Variants in FBXO17 observed in about 807,000 individuals in gnomAD.
FBXO17 encodes the protein F-box protein 17.
FBXO17 carries 43 observed loss-of-function variants against 34.1 expected under a neutral mutation model. The ratio of observed to expected loss-of-function variants is 1.26; its 90% CI spans 0.99 to 1.62. The LOEUF (loss-of-function observed/expected upper bound fraction) is 1.62. FBXO17 is among the 40% of genes most tolerant of loss of function. The pLI, the probability that FBXO17 is intolerant of heterozygous loss-of-function variation, is 0.00. For missense variants in FBXO17, 424 were observed against 386.7 expected (o/e 1.10, Z -0.81); for synonymous variants, 169 against 166.0 (o/e 1.02, Z -0.14).
chr19:38,974,542 T>C (rs528525212), intron 1 of FBXO17, among the ~76,000 whole-genome samples: 2 of 152,256 alleles, frequency 1.3e-5, no homozygotes, highest in East Asian at 3.9e-4. Flanking sequence ...GTCCTGACTA[T>C]ACAGGGAGGT....
chr19:38,946,773 G>T (rs139407913), intron 3 of FBXO17: 1 of 666,454 alleles, frequency 1.5e-6, no homozygotes, highest in Non-Finnish European at 2.5e-6. Context: ...ACCCTGCTGC[G>T]GGCTCCAGGC....
At chr19:38,949,902 T>TCCCGGC in intron 2 of FBXO17, 69 bp downstream of exon 2, 1 of 1,449,590 alleles carries the variant, frequency 6.9e-7, no homozygotes, top group South Asian at 1.4e-5. Flanking sequence ...TCAGACTCTG[T>TCCCGGC]CCCGGCCCCG....
chr19:38,968,110 A>T (rs1204299284), intron 1 of FBXO17, among the ~76,000 whole-genome samples: 3 of 151,916 alleles, frequency 2.0e-5, no homozygotes, highest in Non-Finnish European at 4.4e-5. Context: ...CCTGAGGTCA[A>T]GAGTTCGAGA....
chr19:38,946,676 C>G, intron 3 of FBXO17, 109 bp from the exon 4 acceptor site: 2 of 1,484,896 alleles, frequency 1.3e-6, no homozygotes, highest in East Asian at 2.4e-5. Context: ...TCTAAAGCAG[C>G]CCTCAGGGTT....
rs544881433 is a variant in FBXO17 at position 38,962,792 on chromosome 19, C to A, written c.-17-12456G>T. On this transcript the variant is annotated intron_variant, in intron 1 of 5. Transcript: ENST00000292852. ...AGTGCAGTGGCAAGATCTCGGCTCA[C>A]CGCAACCTCTGCCTCCTGGGTTCAA... Among the ~76,000 whole-genome samples the A allele has an allele frequency of 2.0e-5, 3 of 152,054 alleles. No individual in the cohort carries two copies. In the East Asian group the frequency reaches 5.8e-4, roughly 29 times the overall value.
intron 2 of FBXO17, 22 bp downstream of exon 2, chr19:38,949,949 G>T (rs1975048785): frequency 1.4e-6 from 2 of 1,478,922 alleles, no homozygotes; most frequent in African/African-American, 1.4e-5. Context: ...TCAGCCTCCT[G>T]GGCCCCGCCC....
intron 1 of FBXO17, among the ~76,000 whole-genome samples, chr19:38,967,273 C>T (rs111388517): frequency 0.036 from 5,438 of 152,132 alleles, 300 homozygotes; most frequent in African/African-American, 0.12. Flanking sequence ...GCCTGGCCAA[C>T]ATGGTGAAAC....
At chr19:38,961,200 GTAT>G (rs1403766489) in intron 1 of FBXO17, among the ~76,000 whole-genome samples, 2 of 151,528 alleles carry the variant, frequency 1.3e-5, no homozygotes, top group Non-Finnish European at 2.9e-5. Context: ...ATTTTATAAA[GTAT>G]TATTTTTACT....
chr19:38,947,760 T>C (rs1353951053), intron 3 of FBXO17, among the ~76,000 whole-genome samples: 1 of 149,654 alleles, frequency 6.7e-6, no homozygotes, highest in Non-Finnish European at 1.5e-5. Context: ...TGCAGTGGCA[T>C]GATCCTAGGC....
chr19:38,972,024 T>C (rs1350832364), intron 1 of FBXO17, among the ~76,000 whole-genome samples: 1 of 152,148 alleles, frequency 6.6e-6, no homozygotes, highest in Non-Finnish European at 1.5e-5. Flanking sequence ...GCTTGGAGGA[T>C]GACAGCAACG....
chr19:38,972,849 T>G (rs2144847894), intron 1 of FBXO17, among the ~76,000 whole-genome samples: 1 of 152,056 alleles, frequency 6.6e-6, no homozygotes, highest in South Asian at 2.1e-4. Context: ...AAGCTCCACC[T>G]CCTGGGTTCA....
intron 4 of FBXO17, 45 bp from the exon 5 acceptor site, chr19:38,945,149 C>G: frequency 6.2e-7 from 1 of 1,609,736 alleles, no homozygotes; most frequent in Non-Finnish European, 8.5e-7. Context: ...ACCCAGCCAG[C>G]TCTCTGGGTT....
intron 1 of FBXO17, among the ~76,000 whole-genome samples, chr19:38,971,868 A>G (rs1028613193): frequency 6.6e-6 from 1 of 152,150 alleles, no homozygotes; most frequent in Non-Finnish European, 1.5e-5. Context: ...TGAACAGGCT[A>G]TAATAGTTAA....
intron 1 of FBXO17, among the ~76,000 whole-genome samples, chr19:38,964,622 C>G (rs1347654033): frequency 6.6e-6 from 1 of 151,988 alleles, no homozygotes; most frequent in Non-Finnish European, 1.5e-5. Flanking sequence ...ATAAAATTAA[C>G]CAGACATGGT....
At position 38,946,525 on chromosome 19, in the gene FBXO17, C is replaced by A. The variant is rs1974985993; in HGVS notation, c.504G>T (p.Gly168=). The A allele has an allele frequency of 1.9e-6, 3 of 1,613,928 alleles. No individual in the cohort carries two copies. Among genetic ancestry groups the A allele is most frequent in the Non-Finnish European group, 2.5e-6 (3 of 1,179,942 alleles). ...CGCTGTCCAGCAGCTCCTGCCACACCCCTTCCATCACCAGGTCCACAAGCT... is the reference window on the plus strand; with the variant it reads ...CGCTGTCCAGCAGCTCCTGCCACACACCTTCCATCACCAGGTCCACAAGCT... ...KRQLVDLVME[G]VWQELLDSAQ... is the part of the protein sequence containing the mutation. The change falls in exon 4 of 6, where the codon GGG becomes GGT. Residue 168 remains glycine, a synonymous_variant. Coordinates refer to ENST00000292852, the MANE Select transcript of FBXO17 (RefSeq NM_024907.7).
intron 1 of FBXO17, among the ~76,000 whole-genome samples, chr19:38,956,858 C>G (rs1465661107): frequency 1.3e-5 from 2 of 151,994 alleles, no homozygotes; most frequent in African/African-American, 4.8e-5. Flanking sequence ...CAGCGAGACT[C>G]TGCCTCAAAA....
intron 1 of FBXO17, among the ~76,000 whole-genome samples, chr19:38,955,455 C>T (rs976744856): frequency 6.6e-6 from 1 of 151,512 alleles, no homozygotes. Flanking sequence ...TTTTCTGCTT[C>T]CATTCTTTCT....
At chr19:38,960,278 T>C (rs1350069756) in intron 1 of FBXO17, among the ~76,000 whole-genome samples, 1 of 115,320 alleles carries the variant, frequency 8.7e-6, no homozygotes, top group Non-Finnish European at 1.7e-5. Context: ...ATATTTATAA[T>C]AAGCCATTAT....
rs201015964 is a variant in FBXO17 at position 38,950,288 on chromosome 19, G to A, written c.32C>T (p.Pro11Leu). The change falls in exon 2 of 6, where the codon CCG (proline) becomes CTG (leucine). Residue 11 changes from proline to leucine, a missense_variant. Coordinates refer to ENST00000292852, the MANE Select transcript of FBXO17 (RefSeq NM_024907.7). MGARLSRRRL[P>L]ADPSLALDAL... ...GTCCAGGGCCAGGGATGGGTCCGCCGGCAGCCGTCGCCGCGATAGCCGGGC... is the reference window on the plus strand; with the variant it reads ...GTCCAGGGCCAGGGATGGGTCCGCCAGCAGCCGTCGCCGCGATAGCCGGGC... 4.5e-4 allele frequency: 655 copies of A among 1,441,182 alleles called. 3 individuals are homozygous for A. Among genetic ancestry groups the A allele is most frequent in the Non-Finnish European group, 8.9e-5 (98 of 1,106,824 alleles). The allele number at this position is 1,441,182 out of a possible 1,614,324, so 89.3% of individuals were successfully genotyped here.
Sources: allele counts gnomAD v4.1 joint callset (sites outside exome capture counted in the v4.1 genomes callset), GRCh38; gene constraint gnomAD v4.1.1; transcripts MANE v1.5; gene names NCBI Gene and HGNC (gene_info 2026-07-23, HGNC 2026-07-21).